SWT1: variants seen among roughly 807,000 people sequenced by gnomAD.
The protein encoded by SWT1 is transcriptional protein SWT1.
A neutral mutation model predicts 107.3 loss-of-function variants in SWT1; 33 were observed. The ratio of observed to expected loss-of-function variants is 0.31; its 90% confidence interval spans 0.23 to 0.41. SWT1 has a LOEUF of 0.41. Ranked by LOEUF, SWT1 falls within the 10% of genes least tolerant of loss-of-function variation. The pLI is 1.00. For synonymous variants in SWT1, 345 were observed against 348.3 expected (o/e 0.99, Z 0.11); for missense variants, 898 against 1,028.9 (o/e 0.87, Z 1.74).
rs540606248 is a variant in SWT1 at position 185,167,552 on chromosome 1, A to G, written c.166-788A>G. ...GCTGCGGTTTCTATTTATTTTTGCA[A>G]TATTAACCTTCTTGAAACACCGATT... On this transcript the variant is annotated intron_variant, in intron 3 of 18. Coordinates refer to ENST00000367500, the MANE Select transcript of SWT1 (RefSeq NM_017673.7). Among the ~76,000 whole-genome samples the G allele has an allele frequency of 5.3e-5, 8 of 152,294 alleles. No individual in the cohort carries two copies. The South Asian group carries it at 6.2e-4, about 12-fold the overall frequency.
intron 9 of SWT1, among the ~76,000 whole-genome samples, chr1:185,189,873 G>C (rs547674654): frequency 4.6e-4 from 69 of 148,440 alleles, no homozygotes; most frequent in Admixed American, 1.0e-3. Context: ...TTTTGAGATG[G>C]AGTCTCACTC....
intron 18 of SWT1, among the ~76,000 whole-genome samples, chr1:185,277,479 G>C (rs1034057526): frequency 6.6e-6 from 1 of 151,894 alleles, no homozygotes; most frequent in African/African-American, 2.4e-5. Context: ...TAGTAGAGAC[G>C]GAGTTTCACC....
intron 16 of SWT1, chr1:185,263,809 T>C (rs780896039): frequency 4.6e-5 from 7 of 152,168 alleles, no homozygotes; most frequent in Non-Finnish European, 1.0e-4. Context: ...TGGCAGAAGA[T>C]TGTATTAGGG....
intron 9 of SWT1, among the ~76,000 whole-genome samples, chr1:185,189,743 A>G (rs1399379565): frequency 2.0e-5 from 3 of 151,830 alleles, no homozygotes; most frequent in Non-Finnish European, 2.9e-5. Flanking sequence ...AGAGTTTTAA[A>G]AAAATTATTT....
chr1:185,180,350 T>C, intron 5 of SWT1, 41 bp from the exon 6 acceptor site: 1 of 1,518,620 alleles, frequency 6.6e-7, no homozygotes, highest in Non-Finnish European at 9.1e-7. Context: ...CCTATTTAGG[T>C]TATGCTTTAT....
Position 185,174,396 on chromosome 1 carries a change from C to G in SWT1, c.249C>G (p.Leu83=). The G allele has an allele frequency of 6.3e-7, 1 of 1,575,112 alleles. No individual in the cohort carries two copies. The highest frequency in any genetic ancestry group is 1.9e-5 in the Admixed American group (1 of 51,284). Reference sequence around the variant, plus strand: ...GATTGAGTGTAGAAATTGACACTCTCAGAAGGAGACCAAAAATCGGTTCTT... The same window carrying G: ...GATTGAGTGTAGAAATTGACACTCTGAGAAGGAGACCAAAAATCGGTTCTT... ...LKRLSVEIDT[L]RRRPKIGSSS... is the part of the protein sequence containing the mutation. The change falls in exon 5 of 19, where the codon CTC becomes CTG. Residue 83 remains leucine (L), a synonymous_variant. Transcript: ENST00000367500.
intron 6 of SWT1, 97 bp from the exon 7 acceptor site, chr1:185,181,849 A>G: frequency 7.4e-7 from 1 of 1,346,652 alleles, no homozygotes; most frequent in Non-Finnish European, 1.0e-6. Flanking sequence ...CTTTCCATAA[A>G]CCATCTCAAG....
At position 185,254,010 on chromosome 1, in the gene SWT1, G is replaced by A. The variant is rs548786303; in HGVS notation, c.2442-17313G>A. Among the ~76,000 whole-genome samples, 39 of 139,648 alleles carry A rather than the reference G, an allele frequency of 2.8e-4. No individual in the cohort carries two copies. In the South Asian group the frequency reaches 9.4e-3, roughly 34 times the overall value. The allele number at this position is 139,648 out of a possible 152,430, so 91.6% of individuals were successfully genotyped here. On this transcript the variant is annotated intron_variant, in intron 16 of 18. Transcript: ENST00000367500. ...TGAAGGGTTGTTGAATTTTGTCAAA[G>A]GCTTTTTCTGCATCTATTGAGATAA...
chr1:185,227,306 A>G (rs1040966663), intron 15 of SWT1: 1 of 741,592 alleles, frequency 1.3e-6, no homozygotes, highest in African/African-American at 1.7e-5. Flanking sequence ...TGCTCTCCAC[A>G]TTGTATTCAT....
chr1:185,189,925 T>C (rs943240937), intron 9 of SWT1, among the ~76,000 whole-genome samples: 1 of 151,784 alleles, frequency 6.6e-6, no homozygotes, highest in Non-Finnish European at 1.5e-5. Context: ...CTCAGCTCAC[T>C]GCAACCTCTG....
chr1:185,237,628 A>T (rs943627471), intron 16 of SWT1, among the ~76,000 whole-genome samples: 1 of 152,048 alleles, frequency 6.6e-6, no homozygotes, highest in Non-Finnish European at 1.5e-5. Flanking sequence ...AGGAAACCAC[A>T]ATGGAACGTG....
chr1:185,195,621 G>A (rs201405226), intron 10 of SWT1, among the ~76,000 whole-genome samples: 4 of 152,106 alleles, frequency 2.6e-5, no homozygotes, highest in Non-Finnish European at 2.9e-5. Context: ...CCAACAGTGT[G>A]AAAGTGTTCC....
chr1:185,211,848 C>T (rs1353122718), intron 13 of SWT1, among the ~76,000 whole-genome samples: 1 of 152,104 alleles, frequency 6.6e-6, no homozygotes, highest in Non-Finnish European at 1.5e-5. Flanking sequence ...AAATGTGGCA[C>T]ATATACACCA....
At chr1:185,179,771 C>T (rs916067150) in intron 5 of SWT1, among the ~76,000 whole-genome samples, 1 of 152,140 alleles carries the variant, frequency 6.6e-6, no homozygotes, top group Non-Finnish European at 1.5e-5. Flanking sequence ...ATGAAGAATT[C>T]TACCATGTTT....
chr1:185,180,045 G>T lies in SWT1; in HGVS notation c.967-346G>T, dbSNP rs186472186. ...TACAAAATATACAAAAATTAGCCGGGTGTGTTGGTGTGCCTGTGGTCCCAG... is the reference window on the plus strand; with the variant it reads ...TACAAAATATACAAAAATTAGCCGGTTGTGTTGGTGTGCCTGTGGTCCCAG... On this transcript the variant is annotated intron_variant, in intron 5 of 18. Transcript: ENST00000367500. 3.0e-3 allele frequency among the ~76,000 whole-genome samples: 450 copies of T among 152,288 alleles called. 2 individuals are homozygous for T. Among genetic ancestry groups the T allele is most frequent in the Non-Finnish European group, 5.0e-3 (339 of 68,032 alleles).
rs567813348 is a variant in SWT1 at position 185,189,620 on chromosome 1, C to T, written c.1430-929C>T. The stretch of plus-strand genomic sequence containing the variant: ...TTGGTTTCTAGTCTGACATTTTAGC[C>T]TTCTGATCACATTTCTTTCCTTTGA... On this transcript the variant is annotated intron_variant, in intron 9 of 18. Coordinates refer to ENST00000367500, the MANE Select transcript of SWT1 (RefSeq NM_017673.7). 1.6e-4 allele frequency among the ~76,000 whole-genome samples: 24 copies of T among 152,108 alleles called. No individual in the cohort carries two copies. The South Asian group carries it at 5.0e-3, about 32-fold the overall frequency.
Position 185,206,178 on chromosome 1 carries a change from C to T in SWT1, c.1834-447C>T, listed in dbSNP as rs372521057. On this transcript the variant is annotated intron_variant, in intron 12 of 18. Transcript: ENST00000367500. ...TTCACCATGTTGGCCAGGCTGGTCT[C>T]GAACTCCTGACCTTGTGATACGCCC... Among the ~76,000 whole-genome samples, 20 of 152,028 alleles carry T rather than the reference C, an allele frequency of 1.3e-4. No individual in the cohort carries two copies. The East Asian group carries it at 3.1e-3, about 24-fold the overall frequency.
intron 15 of SWT1, among the ~76,000 whole-genome samples, chr1:185,224,338 T>C (rs564438514): frequency 1.4e-4 from 22 of 152,316 alleles, no homozygotes; most frequent in Admixed American, 2.6e-4. Flanking sequence ...TTGGTTACTA[T>C]AGCTTTGTGG....
In SWT1 at chr1:185,290,755, G is replaced by A. The variant is rs1335769881; in HGVS notation, c.2655G>A (p.Glu885=). The A allele has an allele frequency of 1.2e-6, 2 of 1,611,734 alleles. No individual in the cohort carries two copies. Among genetic ancestry groups the A allele is most frequent in the Non-Finnish European group, 1.7e-6 (2 of 1,178,486 alleles). ...MQQCNASVYM[E]AKNRGWCEDM... Reference sequence around the variant, plus strand: ...AGTGCAATGCATCTGTTTATATGGAGGCCAAAAACAGGGGATGGTGTGAAG... The same window carrying A: ...AGTGCAATGCATCTGTTTATATGGAAGCCAAAAACAGGGGATGGTGTGAAG... The change falls in exon 19 of 19, where the codon GAG becomes GAA. Residue 885 remains glutamate (E), a synonymous_variant. Coordinates refer to ENST00000367500, the MANE Select transcript of SWT1 (RefSeq NM_017673.7).
Sources: allele counts gnomAD v4.1 joint callset (sites outside exome capture counted in the v4.1 genomes callset), GRCh38; gene constraint gnomAD v4.1.1; transcripts MANE v1.5; gene names NCBI Gene and HGNC (gene_info 2026-07-23, HGNC 2026-07-21).